The following MRNIP variants were observed in gnomAD, a reference collection of about 807,000 sequenced individuals.
MRNIP encodes MRN complex interacting protein.
A neutral mutation model predicts 29.8 loss-of-function variants in MRNIP; 30 were observed. The observed-to-expected ratio is 1.01, with a 90% confidence interval of 0.75 to 1.36. The LOEUF (loss-of-function observed/expected upper bound fraction) is 1.36. MRNIP is among the 40% of genes most tolerant of loss of function. The pLI, the probability that MRNIP is intolerant of heterozygous loss-of-function variation, is 0.00. For synonymous variants in MRNIP, 201 were observed against 164.1 expected (o/e 1.23, Z -1.72); for missense variants, 459 against 423.5 (o/e 1.08, Z -0.74).
rs370629605 is a variant in MRNIP at position 179,858,817 on chromosome 5, G to C, written c.-21C>G. ...GCCATCCCTGCTTGTGCAGTCGCCA[G>C]GCAGCCAAGCGCGTGCGCTCTGCAT... On this transcript the variant is annotated 5_prime_UTR_variant, in exon 1 of 7. Coordinates refer to ENST00000292586, the MANE Select transcript of MRNIP (RefSeq NM_016175.4). 9 of 1,538,056 alleles carry C rather than the reference G, an allele frequency of 5.9e-6. No individual in the cohort carries two copies. The Admixed American group carries it at 1.6e-4, about 27-fold the overall frequency.
At chr5:179,851,964 G>A (rs574193153) in intron 2 of MRNIP, among the ~76,000 whole-genome samples, 20 of 151,810 alleles carry the variant, frequency 1.3e-4, no homozygotes, top group East Asian at 5.8e-4. Flanking sequence ...GTGACAGAGC[G>A]AGACTCCGTC....
At chr5:179,842,443 G>A (rs1758918866) in intron 4 of MRNIP, among the ~76,000 whole-genome samples, 1 of 151,584 alleles carries the variant, frequency 6.6e-6, no homozygotes, top group African/African-American at 2.4e-5. Context: ...CACCTTGGGA[G>A]GCCGAGGCTG....
At position 179,858,725 on chromosome 5, in the gene MRNIP, C is replaced by T. The variant is rs1403136380; in HGVS notation, c.66+6G>A. The T allele has an allele frequency of 1.3e-6, 2 of 1,513,404 alleles. No individual in the cohort carries two copies. Among genetic ancestry groups the T allele is most frequent in the Admixed American group, 2.1e-5 (1 of 48,366 alleles). The allele number at this position is 1,513,404 out of a possible 1,614,324, so 93.7% of individuals were successfully genotyped here. A position where few individuals can be genotyped will look rare whatever the true frequency, so the allele number is the denominator to read the frequency against. Reference sequence around the variant, plus strand: ...AGGAGGAGGAGGGGGCTGGCACCCGCCAGACCTGGTGCGCCTGGAAGAGGC... The same window carrying T: ...AGGAGGAGGAGGGGGCTGGCACCCGTCAGACCTGGTGCGCCTGGAAGAGGC... On this transcript the variant is annotated splice_donor_region_variant and intron_variant, in intron 1 of 6. Coordinates refer to ENST00000292586, the MANE Select transcript of MRNIP (RefSeq NM_016175.4).
At chr5:179,838,261 G>A (rs248245) in intron 6 of MRNIP, 137,578 of 260,926 alleles carry the variant, frequency 0.53, 37,729 homozygotes, top group East Asian at 0.79. Flanking sequence ...CCCACCGGGG[G>A]GCAGCTCTCC....
Position 179,849,052 on chromosome 5 carries a change from T to C in MRNIP, c.127-986A>G, listed in dbSNP as rs550633297. ...TATGGCACAGGCAGATGGTACAAGATGGAATTTGAGAGTACGGGTCCTGCT... is the reference window on the plus strand; with the variant it reads ...TATGGCACAGGCAGATGGTACAAGACGGAATTTGAGAGTACGGGTCCTGCT... On this transcript the variant is annotated intron_variant, in intron 2 of 6. Transcript: ENST00000292586. Among the ~76,000 whole-genome samples, 739 of 119,200 alleles carry C rather than the reference T, an allele frequency of 6.2e-3. 1 individual carries two copies. The highest frequency in any genetic ancestry group is 9.3e-3 in the Admixed American group (108 of 11,674). 78.2% of individuals were successfully genotyped at this position (119,200 alleles called of 152,430 possible).
chr5:179,840,425 AC>A (rs1262716282), intron 6 of MRNIP: 1 of 186,770 alleles, frequency 5.4e-6, no homozygotes, highest in East Asian at 1.4e-4. Flanking sequence ...ACAAAAAAGA[AC>A]AAGACAACAC....
At chr5:179,841,802 T>C in intron 5 of MRNIP, 105 bp downstream of exon 5, 1 of 1,270,118 alleles carries the variant, frequency 7.9e-7, no homozygotes. Flanking sequence ...ACTTGCCACC[T>C]AGGCTTCCCG....
intron 1 of MRNIP, among the ~76,000 whole-genome samples, chr5:179,856,234 T>TGG (rs1759574168): frequency 1.3e-5 from 2 of 151,978 alleles, no homozygotes; most frequent in African/African-American, 4.8e-5. Flanking sequence ...AGTTTAGGAC[T>TGG]CACAGAACCT....
intron 1 of MRNIP, among the ~76,000 whole-genome samples, chr5:179,855,480 C>A (rs568310595): frequency 1.3e-5 from 2 of 152,222 alleles, no homozygotes; most frequent in African/African-American, 4.8e-5. Context: ...AAATGAGAAG[C>A]CACTAAAACC....
intron 2 of MRNIP, 193 bp downstream of exon 2, chr5:179,853,184 CA>C: frequency 6.6e-7 from 1 of 1,509,962 alleles, no homozygotes; most frequent in Admixed American, 2.0e-5. Context: ...AATGAAGAAT[CA>C]AATGGCAGTA....
At chr5:179,853,831 A>T (rs977599188) in intron 1 of MRNIP, among the ~76,000 whole-genome samples, 20 of 151,596 alleles carry the variant, frequency 1.3e-4, no homozygotes, top group African/African-American at 3.9e-4. Context: ...TTTTTTTTTT[A>T]AATCCCAAGT....
chr5:179,842,477 G>A (rs560014113), intron 4 of MRNIP, among the ~76,000 whole-genome samples: 3 of 146,622 alleles, frequency 2.0e-5, no homozygotes, highest in East Asian at 4.2e-4. Context: ...TCAGGAGATC[G>A]AGACCACCCT....
At chr5:179,845,344 T>A (rs1462533694) in intron 3 of MRNIP, among the ~76,000 whole-genome samples, 1 of 152,154 alleles carries the variant, frequency 6.6e-6, no homozygotes, top group East Asian at 1.9e-4. Flanking sequence ...AGATGGGGTT[T>A]CACTATGTTG....
At chr5:179,843,192 T>C (rs907409539) in intron 4 of MRNIP, among the ~76,000 whole-genome samples, 1 of 151,694 alleles carries the variant, frequency 6.6e-6, no homozygotes, top group Non-Finnish European at 1.5e-5. Flanking sequence ...TTTGAGACGT[T>C]GGGGCTCCAG....
Position 179,842,010 on chromosome 5 carries a change from G to C in MRNIP, c.346C>G (p.Gln116Glu), listed in dbSNP as rs200251455. Reference sequence around the variant, plus strand: ...CCTGTTCCTTCCAGCTCCAGTTCTTGGGAGTCCTTTTCTAGATACTTCAGC... The same window carrying C: ...CCTGTTCCTTCCAGCTCCAGTTCTTCGGAGTCCTTTTCTAGATACTTCAGC... ...RWLKYLEKDS[Q>E]ELELEGTGVC... is the part of the protein sequence containing the mutation. The change falls in exon 5 of 7, where the codon CAA becomes GAA. Residue 116 changes from glutamine (Q) to glutamate (E), a missense_variant. By Grantham distance (29) the Gln-to-Glu change is conservative (BLOSUM62 2). Transcript: ENST00000292586. The C allele has an allele frequency of 3.1e-6, 5 of 1,614,108 alleles. No individual in the cohort carries two copies. In the African/African-American group the frequency reaches 5.3e-5, roughly 17 times the overall value.
At chr5:179,840,190 TC>T (rs1489228938) in intron 6 of MRNIP, 1 of 152,294 alleles carries the variant, frequency 6.6e-6, no homozygotes, top group Admixed American at 6.5e-5. Flanking sequence ...TCCACCCACC[TC>T]GGCCTCCCAA....
chr5:179,856,014 T>C (rs2113576623), intron 1 of MRNIP, among the ~76,000 whole-genome samples: 1 of 151,076 alleles, frequency 6.6e-6, no homozygotes, highest in African/African-American at 2.4e-5. Context: ...ATTCAAGTGA[T>C]TCTCCTGCCT....
Position 179,837,351 on chromosome 5 carries a change from C to CT in MRNIP, c.*39dup, listed in dbSNP as rs760128130. The CT allele has an allele frequency of 3.0e-5, 48 of 1,581,874 alleles. No individual in the cohort carries two copies. Among genetic ancestry groups the CT allele is most frequent in the Non-Finnish European group, 4.0e-5 (47 of 1,163,776 alleles). ...GTGCCTTAGGGGAACCCTGTCCCTC[C>CT]TAACAAGTGTATCTCGATTAATAAC... On this transcript the variant is annotated 3_prime_UTR_variant, in exon 7 of 7. Transcript: ENST00000292586.
chr5:179,851,785 T>C (rs1759377905), intron 2 of MRNIP, among the ~76,000 whole-genome samples: 2 of 152,122 alleles, frequency 1.3e-5, no homozygotes, highest in African/African-American at 2.4e-5. Context: ...GACACCATCC[T>C]GGCTAACATG....
Sources: gnomAD v4.1 joint callset for allele counts (sites outside exome capture counted in the v4.1 genomes callset) on GRCh38, gnomAD v4.1.1 for gene constraint, MANE v1.5 for transcripts, NCBI Gene and HGNC (gene_info 2026-07-23, HGNC 2026-07-21) for gene names.